Variants in HDAC4 observed in about 807,000 individuals in gnomAD.
HDAC4 encodes histone deacetylase A.
A neutral mutation model predicts 135.1 loss-of-function variants in HDAC4; 16 were observed. The ratio of observed to expected loss-of-function variants is 0.12; its 90% confidence interval spans 0.08 to 0.18. The LOEUF (loss-of-function observed/expected upper bound fraction) is 0.18, where lower values mean the gene tolerates loss of function less well. HDAC4 is among the 10% of genes least tolerant of loss of function. The pLI is 1.00. For missense variants in HDAC4, 1,143 were observed against 1,511.8 expected (o/e 0.76, Z 4.05); for synonymous variants, 685 against 653.4 (o/e 1.05, Z -0.74).
At chr2:239,346,682 ACT>A (rs991264380) in intron 2 of HDAC4, among the ~76,000 whole-genome samples, 20 of 149,990 alleles carry the variant, frequency 1.3e-4, no homozygotes, top group South Asian at 4.3e-4. Context: ...AAACACACAC[ACT>A]GTCTAAAACA....
chr2:239,105,639 C>T (rs957104790), intron 15 of HDAC4, among the ~76,000 whole-genome samples: 1 of 152,326 alleles, frequency 6.6e-6, no homozygotes, highest in East Asian at 1.9e-4. Flanking sequence ...CCCCCCAGGC[C>T]TCCAGGCAGT....
chr2:239,059,626 C>T (rs146704945), intron 24 of HDAC4, among the ~76,000 whole-genome samples: 1 of 152,314 alleles, frequency 6.6e-6, no homozygotes, highest in African/African-American at 2.4e-5. Context: ...TTCAATAGAC[C>T]TATAACCATT....
At chr2:239,255,873 G>C (rs2049025764) in intron 2 of HDAC4, among the ~76,000 whole-genome samples, 1 of 152,152 alleles carries the variant, frequency 6.6e-6, no homozygotes, top group Non-Finnish European at 1.5e-5. Flanking sequence ...GCCCGTCTTT[G>C]GAAACAGCTA....
intron 2 of HDAC4, among the ~76,000 whole-genome samples, chr2:239,282,644 TACAA>T (rs142847074): frequency 0.21 from 30,054 of 141,900 alleles, 3,764 homozygotes; most frequent in Non-Finnish European, 0.25. Context: ...CACACCACTC[TACAA>T]ACAATGTACA....
intron 22 of HDAC4, among the ~76,000 whole-genome samples, chr2:239,079,837 GATAT>G (rs1269464378): frequency 7.3e-6 from 1 of 136,092 alleles, no homozygotes; most frequent in East Asian, 2.3e-4. Context: ...CACACACAGC[GATAT>G]ACACACAAAG....
At chr2:239,075,387 G>A (rs1001338044) in intron 22 of HDAC4, among the ~76,000 whole-genome samples, 43 of 152,122 alleles carry the variant, frequency 2.8e-4, no homozygotes, top group African/African-American at 9.2e-4. Context: ...GGGTGGGCTC[G>A]CAGTTTCCCA....
intron 3 of HDAC4, among the ~76,000 whole-genome samples, chr2:239,206,447 G>A (rs542834498): frequency 1.3e-5 from 2 of 152,082 alleles, no homozygotes; most frequent in South Asian, 4.1e-4. Context: ...TCCCAAAAGA[G>A]GTGCACCATT....
chr2:239,270,502 C>T (rs2050000706), intron 2 of HDAC4, among the ~76,000 whole-genome samples: 1 of 151,990 alleles, frequency 6.6e-6, no homozygotes, highest in African/African-American at 2.4e-5. Flanking sequence ...GAAAAAGAGG[C>T]CTTTAAAAAT....
chr2:239,308,768 T>C lies in HDAC4; in HGVS notation c.22+43910A>G, dbSNP rs1309673682. Among the ~76,000 whole-genome samples, 2 of 152,112 alleles carry C rather than the reference T, an allele frequency of 1.3e-5. No homozygotes were observed. Among genetic ancestry groups the C allele is most frequent in the African/African-American group, 4.8e-5 (2 of 41,400 alleles). On this transcript the variant is annotated intron_variant, in intron 2 of 26. Transcript: ENST00000543185. This position sits in a 1 kb window ranked among gnomAD's most constrained non-coding sequence, Gnocchi z 4.2. ...CCAAGACTGCTGTCCGCCAGCGCCC[T>C]CACTCCCCCAGGGCCTGTACCTGTA... is the stretch of plus-strand genomic sequence containing the variant.
chr2:239,171,232 A>G (rs2152990044), intron 5 of HDAC4, among the ~76,000 whole-genome samples: 1 of 152,218 alleles, frequency 6.6e-6, no homozygotes, highest in South Asian at 2.1e-4. Flanking sequence ...AGGGCCAGAG[A>G]GTGTTACCAG....
intron 22 of HDAC4, among the ~76,000 whole-genome samples, chr2:239,078,238 C>T: frequency 6.6e-6 from 1 of 152,210 alleles, no homozygotes; most frequent in East Asian, 1.9e-4. Flanking sequence ...TCCCTTTTCT[C>T]CTACGAGTCT....
intron 2 of HDAC4, among the ~76,000 whole-genome samples, chr2:239,274,451 G>A (rs975865859): frequency 7.9e-5 from 12 of 152,172 alleles, no homozygotes; most frequent in African/African-American, 1.2e-4. Flanking sequence ...ATGGGCCCCC[G>A]CAAGAGATGG....
At chr2:239,255,025 C>T (rs913691666) in intron 2 of HDAC4, among the ~76,000 whole-genome samples, 3 of 152,232 alleles carry the variant, frequency 2.0e-5, no homozygotes, top group African/African-American at 7.2e-5. Context: ...CTACACCTAT[C>T]TAAACTATCA....
At chr2:239,090,394 TC>T (rs1469559730) in intron 17 of HDAC4, among the ~76,000 whole-genome samples, 1 of 151,470 alleles carries the variant, frequency 6.6e-6, no homozygotes, top group East Asian at 1.9e-4. Context: ...TCAGTATACT[TC>T]CATCTAAAAG....
At chr2:239,355,304 T>A (rs867941907) in intron 1 of HDAC4, among the ~76,000 whole-genome samples, 1 of 152,226 alleles carries the variant, frequency 6.6e-6, no homozygotes, top group African/African-American at 2.4e-5. Flanking sequence ...AGTCTCCCCA[T>A]CAGATCTGGC....
At chr2:239,229,674 AG>A (rs1263452267) in intron 3 of HDAC4, among the ~76,000 whole-genome samples, 1 of 152,202 alleles carries the variant, frequency 6.6e-6, no homozygotes, top group Non-Finnish European at 1.5e-5. Flanking sequence ...TTGAAGAAGT[AG>A]GGTGAGGACC....
Position 239,223,855 on chromosome 2 carries a change from TA to T in HDAC4, c.94+12737del, listed in dbSNP as rs529710659. On this transcript the variant is annotated intron_variant, in intron 3 of 26. Transcript: ENST00000543185. ...ATGCCAGCACTAAGCAAACATTGTTTAAAAAAAAAAAAAAGGGAAAAGAAAC... is the reference window on the plus strand; with the variant it reads ...ATGCCAGCACTAAGCAAACATTGTTTAAAAAAAAAAAAAGGGAAAAGAAAC... 4.4e-3 allele frequency among the ~76,000 whole-genome samples: 608 copies of T among 138,896 alleles called. 1 individual carries two copies. Among genetic ancestry groups the T allele is most frequent in the Admixed American group, 4.7e-3 (65 of 13,908 alleles). The allele number at this position is 138,896 out of a possible 152,430, so 91.1% of individuals were successfully genotyped here. A position where few individuals can be genotyped will look rare whatever the true frequency, so the allele number is the denominator to read the frequency against.
rs376426803 is a variant in HDAC4 at position 239,111,731 on chromosome 2, C to G, written c.1792-19G>C. ...GGGCTTGCTGCGGGGAAGAAACGGC[C>G]GTGTTGGCGGTTGCGGATGTCTCCC... On this transcript the variant is annotated intron_variant, in intron 13 of 26. Coordinates refer to ENST00000543185, the MANE Select transcript of HDAC4 (RefSeq NM_001378414.1). The G allele has an allele frequency of 6.3e-7, 1 of 1,578,356 alleles. No homozygotes were observed.
intron 24 of HDAC4, 121 bp from the exon 25 acceptor site, chr2:239,054,954 A>G (rs1574840516): frequency 1.3e-6 from 1 of 754,340 alleles, no homozygotes; most frequent in Non-Finnish European, 2.4e-6. Context: ...GCATTTGCCC[A>G]CAGAGTAGAA....
Sources: gnomAD v4.1 joint callset for allele counts (sites outside exome capture counted in the v4.1 genomes callset) on GRCh38, gnomAD v4.1.1 for gene constraint, Gnocchi (gnomAD v3.1) non-coding constraint, MANE v1.5 for transcripts, NCBI Gene and HGNC (gene_info 2026-07-23, HGNC 2026-07-21) for gene names.